Variants in PHACTR1 observed in about 807,000 individuals in gnomAD.
The protein encoded by PHACTR1 is RPEL repeat containing 1.
Under a neutral mutation model 69.2 loss-of-function variants are expected in PHACTR1, and 16 were observed. The ratio of observed to expected loss-of-function variants is 0.23; its 90% CI spans 0.16 to 0.35. The LOEUF is 0.35. Ranked by LOEUF, PHACTR1 falls within the 10% of genes least tolerant of loss-of-function variation. PHACTR1 has a pLI of 1.00. For missense variants in PHACTR1, 510 were observed against 734.7 expected (o/e 0.69, Z 3.54); for synonymous variants, 312 against 284.5 (o/e 1.10, Z -0.97).
At chr6:13,076,920 G>A (rs1259260392) in intron 5 of PHACTR1, among the ~76,000 whole-genome samples, 1 of 130,964 alleles carries the variant, frequency 7.6e-6, no homozygotes, top group African/African-American at 2.9e-5. Flanking sequence ...AGTTGAAAGT[G>A]ATATCACACT....
At chr6:13,239,296 G>A (rs933594898) in intron 10 of PHACTR1, among the ~76,000 whole-genome samples, 1 of 152,182 alleles carries the variant, frequency 6.6e-6, no homozygotes, top group Admixed American at 6.5e-5. Flanking sequence ...TATTTATTGA[G>A]TTCTACAACA....
At chr6:13,017,873 T>C (rs1241525527) in intron 4 of PHACTR1, among the ~76,000 whole-genome samples, 1 of 152,204 alleles carries the variant, frequency 6.6e-6, no homozygotes, top group Non-Finnish European at 1.5e-5. Flanking sequence ...AATGATGGAT[T>C]TAGAAACAAG....
At chr6:13,064,620 A>C (rs756173679) in intron 5 of PHACTR1, among the ~76,000 whole-genome samples, 2 of 67,584 alleles carry the variant, frequency 3.0e-5, no homozygotes, top group Admixed American at 1.9e-4. Flanking sequence ...ATATCTATCT[A>C]TCCACACTTG....
intron 4 of PHACTR1, among the ~76,000 whole-genome samples, chr6:12,999,941 TTCA>T (rs1248771107): frequency 6.6e-6 from 1 of 152,242 alleles, no homozygotes; most frequent in Non-Finnish European, 1.5e-5. Context: ...AAGTATTATA[TTCA>T]TCATTTTTTG....
At chr6:13,074,254 A>G (rs1270087310) in intron 5 of PHACTR1, among the ~76,000 whole-genome samples, 3 of 152,180 alleles carry the variant, frequency 2.0e-5, no homozygotes, top group African/African-American at 7.2e-5. Flanking sequence ...CATAAACATA[A>G]AAAAGATCTT....
intron 4 of PHACTR1, among the ~76,000 whole-genome samples, chr6:12,925,321 A>C (rs1788152222): frequency 1.3e-5 from 2 of 152,286 alleles, no homozygotes; most frequent in African/African-American, 4.8e-5. Context: ...CCTCTAGGTT[A>C]TGAATATATT....
At chr6:13,208,817 G>A (rs1440742514) in intron 8 of PHACTR1, among the ~76,000 whole-genome samples, 1 of 152,148 alleles carries the variant, frequency 6.6e-6, no homozygotes, top group Non-Finnish European at 1.5e-5. Flanking sequence ...AATATCTGTG[G>A]GTATTTGCGG....
chr6:12,893,336 A>G lies in PHACTR1; in HGVS notation c.250+143546A>G, dbSNP rs139483256. On this transcript the variant is annotated intron_variant, in intron 4 of 14. Transcript: ENST00000332995. ...GGGAGGCTGGGGCACAGAAATCCAA[A>G]AAAGAAAGTTAACAAGAGCAAGATT... Among the ~76,000 whole-genome samples, 53 of 152,342 alleles carry G rather than the reference A, an allele frequency of 3.5e-4. 2 individuals are homozygous for G. In the East Asian group the frequency reaches 9.8e-3, roughly 28 times the overall value.
At chr6:13,251,013 ACACACAAT>A (rs1774314879) in intron 10 of PHACTR1, among the ~76,000 whole-genome samples, 1 of 152,202 alleles carries the variant, frequency 6.6e-6, no homozygotes, top group Admixed American at 6.5e-5. Context: ...ACACACACAC[ACACACAAT>A]CAATCTTCTG....
At chr6:12,884,823 A>G (rs1167224086) in intron 4 of PHACTR1, among the ~76,000 whole-genome samples, 1 of 152,166 alleles carries the variant, frequency 6.6e-6, no homozygotes, top group Non-Finnish European at 1.5e-5. Flanking sequence ...ACTCACAAAC[A>G]CACACAAACA....
intron 4 of PHACTR1, among the ~76,000 whole-genome samples, chr6:12,913,939 G>C (rs544787213): frequency 6.6e-6 from 1 of 152,274 alleles, no homozygotes; most frequent in East Asian, 1.9e-4. Flanking sequence ...TGAGTGGTCT[G>C]AGACAACTTC....
At chr6:12,921,813 A>AGGGAAGAAGGAAGGGAGGGAGGGG (rs1787741142) in intron 4 of PHACTR1, among the ~76,000 whole-genome samples, 2 of 3,838 alleles carry the variant, frequency 5.2e-4, no homozygotes, top group Admixed American at 3.6e-3. Context: ...GGAGGGAGGG[A>AGGGAAGAAGGAAGGGAGGGAGGGG]GCAAGGGGGA....
chr6:13,107,488 C>G (rs1561839969), intron 5 of PHACTR1, among the ~76,000 whole-genome samples: 2 of 152,302 alleles, frequency 1.3e-5, no homozygotes, highest in East Asian at 1.9e-4. Flanking sequence ...AGCAAAGAAG[C>G]CATCTGGACC....
At chr6:13,243,746 TCCTAC>T (rs774936380) in intron 10 of PHACTR1, among the ~76,000 whole-genome samples, 116 of 152,330 alleles carry the variant, frequency 7.6e-4, no homozygotes, top group Non-Finnish European at 1.4e-3. Flanking sequence ...CTCAACCTGC[TCCTAC>T]CCTCCACCCT....
chr6:12,819,974 T>C (rs1303958897), intron 4 of PHACTR1, among the ~76,000 whole-genome samples: 1 of 152,144 alleles, frequency 6.6e-6, no homozygotes, highest in African/African-American at 2.4e-5. Flanking sequence ...CCTAAATACG[T>C]AGCAACTCAT....
chr6:12,969,701 C>T (rs939070702), intron 4 of PHACTR1, among the ~76,000 whole-genome samples: 2 of 152,220 alleles, frequency 1.3e-5, no homozygotes, highest in African/African-American at 4.8e-5. Flanking sequence ...GTGGCTCACG[C>T]CTGTAATCCC....
At chr6:12,910,346 T>C (rs1786248926) in intron 4 of PHACTR1, among the ~76,000 whole-genome samples, 1 of 152,140 alleles carries the variant, frequency 6.6e-6, no homozygotes, top group African/African-American at 2.4e-5. Context: ...TATAAAACCT[T>C]AGGTGTCTAG....
At chr6:13,063,617 A>AG (rs1808038719) in intron 5 of PHACTR1, among the ~76,000 whole-genome samples, 1 of 151,876 alleles carries the variant, frequency 6.6e-6, no homozygotes, top group African/African-American at 2.4e-5. Context: ...CCACAAAAAA[A>AG]AAAAAATTAA....
chr6:13,048,386 CA>C (rs945331586), intron 4 of PHACTR1, among the ~76,000 whole-genome samples: 1 of 152,142 alleles, frequency 6.6e-6, no homozygotes, highest in East Asian at 1.9e-4. Context: ...GCTCCATTTC[CA>C]AAAAAGGCTG....
Sources: allele counts gnomAD v4.1 joint callset (sites outside exome capture counted in the v4.1 genomes callset), GRCh38; gene constraint gnomAD v4.1.1; transcripts MANE v1.5; gene names NCBI Gene and HGNC (gene_info 2026-07-23, HGNC 2026-07-21).